The following BLTP1 variants were observed in gnomAD, a reference collection of about 807,000 sequenced individuals.
BLTP1 encodes the protein bridge-like lipid transfer protein family member 1.
At chr4:122,318,217 G>A in the BLTP1 span, 1 of 1,611,776 alleles carries the variant, frequency 6.2e-7, no homozygotes, top group Non-Finnish European at 8.5e-7. Context: ...ATCTGTGGCT[G>A]TGAATGACAT....
chr4:122,169,766 T>G, the BLTP1 span: 4 of 984,790 alleles, frequency 4.1e-6, no homozygotes, highest in Non-Finnish European at 3.6e-6. Flanking sequence ...AGTTCTACAG[T>G]GAATTTTTCT....
At chr4:122,282,177 C>T in the BLTP1 span, 14 of 615,396 alleles carry the variant, frequency 2.3e-5, no homozygotes, top group African/African-American at 2.6e-4. Context: ...GGTTTTGTGA[C>T]CCTTATATTA....
At chr4:122,173,163 G>A in the BLTP1 span, 1 of 1,601,766 alleles carries the variant, frequency 6.2e-7, no homozygotes, top group Non-Finnish European at 8.5e-7. Flanking sequence ...GTGAGTTTGA[G>A]TTAACACTGA....
the BLTP1 span, chr4:122,246,841 AT>A: frequency 6.2e-7 from 1 of 1,602,408 alleles, no homozygotes; most frequent in Non-Finnish European, 8.5e-7. Context: ...CTGAGCCATG[AT>A]TATCTTGCTG....
the BLTP1 span, among the ~76,000 whole-genome samples, chr4:122,315,891 T>A: frequency 6.6e-6 from 1 of 152,190 alleles, no homozygotes; most frequent in South Asian, 2.1e-4. Flanking sequence ...AACTTGTGCT[T>A]TAACCTATAG....
chr4:122,232,585 C>T, the BLTP1 span, among the ~76,000 whole-genome samples: 4 of 151,754 alleles, frequency 2.6e-5, no homozygotes, highest in Non-Finnish European at 5.9e-5. Context: ...CCAGCCTGGG[C>T]AACAGAGTGA....
the BLTP1 span, chr4:122,223,924 A>G: frequency 7.8e-6 from 6 of 773,268 alleles, no homozygotes; most frequent in Admixed American, 6.2e-5. Context: ...GTTTTATGAC[A>G]TATCCTTTAT....
chr4:122,257,098 T>C, the BLTP1 span: 1 of 260,346 alleles, frequency 3.8e-6, no homozygotes, highest in Non-Finnish European at 6.0e-6. Context: ...ATCCTGACTC[T>C]CTTGGGTAAC....
At chr4:122,228,116 T>C in the BLTP1 span, among the ~76,000 whole-genome samples, 3 of 152,090 alleles carry the variant, frequency 2.0e-5, no homozygotes, top group Admixed American at 6.5e-5. Context: ...GGTTTCACTG[T>C]GTTAGCCAGG....
chr4:122,161,328 C>CT, the BLTP1 span: 34 of 160,196 alleles, frequency 2.1e-4, no homozygotes, highest in Non-Finnish European at 3.5e-4. Flanking sequence ...TGTTTCTTTA[C>CT]TTTTTTTTGG....
chr4:122,218,130 G>C, the BLTP1 span, among the ~76,000 whole-genome samples: 1 of 151,776 alleles, frequency 6.6e-6, no homozygotes, highest in Non-Finnish European at 1.5e-5. Context: ...CTCATGGATG[G>C]TCCATCATTT....
chr4:122,215,234 G>A, the BLTP1 span: 1 of 494,568 alleles, frequency 2.0e-6, no homozygotes, highest in African/African-American at 2.1e-5. Context: ...ATAATTAAAT[G>A]GAGATTGCTT....
chr4:122,257,129 T>A, the BLTP1 span: 3 of 989,288 alleles, frequency 3.0e-6, no homozygotes, highest in South Asian at 4.9e-5. Context: ...TTACTTAACA[T>A]CTAAGTTTTA....
the BLTP1 span, among the ~76,000 whole-genome samples, chr4:122,157,919 A>T: frequency 6.6e-6 from 1 of 152,184 alleles, no homozygotes; most frequent in Non-Finnish European, 1.5e-5. Flanking sequence ...AGTGTTGGTA[A>T]ACACATGTGA....
At chr4:122,189,242 T>C in the BLTP1 span, 1 of 900,850 alleles carries the variant, frequency 1.1e-6, no homozygotes, top group Non-Finnish European at 1.3e-6. Flanking sequence ...AGAAAAAAAT[T>C]GCAAGTTTTT....
At chr4:122,236,657 T>G in the BLTP1 span, 1 of 630,622 alleles carries the variant, frequency 1.6e-6, no homozygotes. Context: ...GATTGCTTGA[T>G]TTTCAAAGAT....
chr4:122,224,084 T>G, the BLTP1 span: 4 of 982,698 alleles, frequency 4.1e-6, no homozygotes, highest in African/African-American at 5.2e-5. Flanking sequence ...CATTCTTCAT[T>G]GTTTGGTCTT....
chr4:122,310,998 C>T, the BLTP1 span: 1 of 579,272 alleles, frequency 1.7e-6, no homozygotes, highest in African/African-American at 2.0e-5. Flanking sequence ...ATCACTAAAA[C>T]ATATCTTTTG....
chr4:122,156,325 G>T, the BLTP1 span, among the ~76,000 whole-genome samples: 1 of 152,106 alleles, frequency 6.6e-6, no homozygotes, highest in Admixed American at 6.5e-5. Flanking sequence ...GAGAAATGAG[G>T]TTGGAGAACA....
Sources: allele counts gnomAD v4.1 joint callset (sites outside exome capture counted in the v4.1 genomes callset), GRCh38; gene constraint gnomAD v4.1.1; transcripts MANE v1.5; gene names NCBI Gene and HGNC (gene_info 2026-07-23, HGNC 2026-07-21).